NVL: variants seen among roughly 807,000 people sequenced by gnomAD.
The protein encoded by NVL is nuclear VCP like.
Under a neutral mutation model 110.2 loss-of-function variants are expected in NVL, and 84 were observed. That is an observed-to-expected ratio of 0.76 (90% CI 0.64 to 0.91). The LOEUF (loss-of-function observed/expected upper bound fraction) is 0.91, where lower values mean the gene tolerates loss of function less well. NVL is among the 40% of genes least tolerant of loss of function. The probability of loss-of-function intolerance (pLI) is 0.00; values close to 1 mark genes in which losing one functional copy is unlikely to be tolerated. For missense variants in NVL, 882 were observed against 1,035.9 expected, an observed-to-expected ratio of 0.85 and a Z score of 2.04; for synonymous variants, 354 against 361.1, an observed-to-expected ratio of 0.98 and a Z score of 0.22.
intron 11 of NVL, among the ~76,000 whole-genome samples, chr1:224,296,087 T>C (rs373870769): frequency 2.0e-5 from 3 of 151,750 alleles, no homozygotes; most frequent in African/African-American, 7.3e-5. Flanking sequence ...GCTGTGATTG[T>C]GCCACTGCAT....
At chr1:224,293,748 A>G (rs1000227631) in intron 12 of NVL, among the ~76,000 whole-genome samples, 5 of 152,244 alleles carry the variant, frequency 3.3e-5, no homozygotes, top group Non-Finnish European at 2.9e-5. Context: ...GTATGGATAC[A>G]TAAGTCCATT....
chr1:224,270,665 G>A (rs1571898657), intron 17 of NVL, among the ~76,000 whole-genome samples: 1 of 151,990 alleles, frequency 6.6e-6, no homozygotes, highest in South Asian at 2.1e-4. Context: ...TTAAATAAAA[G>A]ACTACTTTCC....
At chr1:224,292,250 A>G (rs1040630534) in intron 12 of NVL, among the ~76,000 whole-genome samples, 1 of 152,232 alleles carries the variant, frequency 6.6e-6, no homozygotes, top group Non-Finnish European at 1.5e-5. Flanking sequence ...TATAAAAAAT[A>G]GTAATAATAA....
intron 18 of NVL, among the ~76,000 whole-genome samples, chr1:224,252,895 G>A (rs1268337834): frequency 2.0e-5 from 3 of 152,140 alleles, no homozygotes; most frequent in African/African-American, 7.2e-5. Flanking sequence ...CCACCTATCT[G>A]TTTTGGCACT....
At chr1:224,229,974 G>T (rs1346100443) in intron 22 of NVL, among the ~76,000 whole-genome samples, 1 of 152,150 alleles carries the variant, frequency 6.6e-6, no homozygotes, top group Non-Finnish European at 1.5e-5. Flanking sequence ...TGGGACTACA[G>T]GTGCATGACA....
intron 2 of NVL, among the ~76,000 whole-genome samples, chr1:224,321,752 C>T (rs4653577): frequency 0.99 from 141,448 of 143,008 alleles, 69,973 homozygotes; most frequent in South Asian, 1. Flanking sequence ...TAAGATTCCA[C>T]CTCAAAAAAA....
chr1:224,259,999 A>G (rs912876883), intron 18 of NVL, among the ~76,000 whole-genome samples: 20 of 152,096 alleles, frequency 1.3e-4, no homozygotes, highest in Admixed American at 2.6e-4. Context: ...GCTCTACTAC[A>G]TATCATAGCA....
At chr1:224,265,942 T>C (rs1273513680) in intron 18 of NVL, among the ~76,000 whole-genome samples, 3 of 152,198 alleles carry the variant, frequency 2.0e-5, no homozygotes, top group African/African-American at 7.2e-5. Context: ...TTGGCCACTT[T>C]CTTTCTTTTT....
intron 18 of NVL, among the ~76,000 whole-genome samples, chr1:224,259,935 G>A (rs754517438): frequency 3.3e-5 from 5 of 151,472 alleles, no homozygotes; most frequent in African/African-American, 4.9e-5. Context: ...CTCCCAAAGC[G>A]CTGGGATTAC....
At chr1:224,255,159 G>A (rs1663044974) in intron 18 of NVL, among the ~76,000 whole-genome samples, 1 of 144,380 alleles carries the variant, frequency 6.9e-6, no homozygotes, top group Non-Finnish European at 1.5e-5. Flanking sequence ...ATGAGCCAAT[G>A]TGCCTGGCCC....
intron 1 of NVL, among the ~76,000 whole-genome samples, chr1:224,327,343 T>C (rs967238056): frequency 2.0e-5 from 3 of 151,092 alleles, no homozygotes; most frequent in African/African-American, 4.9e-5. Context: ...CATGGGAGGC[T>C]GAGGTGGGAG....
chr1:224,291,283 G>A lies in NVL; in HGVS notation c.1326-1550C>T, dbSNP rs564483190. ...TGCAATGGCACGATCTCGGCTCACC[G>A]CAACCTCCGCCTCCCAGGTTCAAGC... On this transcript the variant is annotated intron_variant, in intron 12 of 22. Transcript: ENST00000281701. 1.3e-3 allele frequency among the ~76,000 whole-genome samples: 197 copies of A among 152,148 alleles called. 1 individual carries two copies. The highest frequency in any genetic ancestry group is 4.5e-3 in the East Asian group (23 of 5,166).
intron 20 of NVL, among the ~76,000 whole-genome samples, chr1:224,234,975 A>AT (rs921394091): frequency 9.0e-4 from 136 of 151,690 alleles, no homozygotes; most frequent in African/African-American, 3.2e-3. Flanking sequence ...TATTATTATT[A>AT]TTTTTTTTGT....
intron 18 of NVL, among the ~76,000 whole-genome samples, chr1:224,264,016 AAAACAAAC>A (rs765980682): frequency 6.6e-6 from 1 of 152,196 alleles, no homozygotes; most frequent in Middle Eastern, 3.4e-3. Context: ...TTCCGTCTCA[AAAACAAAC>A]AAACAAACAA....
chr1:224,264,642 G>A (rs1314204988), intron 18 of NVL, among the ~76,000 whole-genome samples: 1 of 152,196 alleles, frequency 6.6e-6, no homozygotes, highest in Non-Finnish European at 1.5e-5. Flanking sequence ...GCTAAGCAGA[G>A]AAGTTATAAG....
intron 19 of NVL, among the ~76,000 whole-genome samples, chr1:224,239,653 T>C (rs545130301): frequency 9.8e-5 from 15 of 152,318 alleles, no homozygotes; most frequent in African/African-American, 3.6e-4. Flanking sequence ...AAGACAATTC[T>C]TTTATACTTC....
intron 4 of NVL, among the ~76,000 whole-genome samples, chr1:224,317,275 A>G (rs1558356633): frequency 6.6e-6 from 1 of 152,210 alleles, no homozygotes; most frequent in Non-Finnish European, 1.5e-5. Flanking sequence ...GTATTAGGGC[A>G]GAAAAAGAAG....
At chr1:224,319,704 A>T (rs1670460616) in intron 2 of NVL, among the ~76,000 whole-genome samples, 1 of 152,234 alleles carries the variant, frequency 6.6e-6, no homozygotes, top group Non-Finnish European at 1.5e-5. Flanking sequence ...AATTCAAGTT[A>T]AACATTTTTA....
At chr1:224,241,139 CAA>C (rs1449397619) in intron 19 of NVL, among the ~76,000 whole-genome samples, 2 of 152,080 alleles carry the variant, frequency 1.3e-5, no homozygotes, top group African/African-American at 4.8e-5. Context: ...AGGATACCTC[CAA>C]AAGTTTCATT....
Sources: gnomAD v4.1 joint callset for allele counts (sites outside exome capture counted in the v4.1 genomes callset) on GRCh38, gnomAD v4.1.1 for gene constraint, MANE v1.5 for transcripts, NCBI Gene and HGNC (gene_info 2026-07-23, HGNC 2026-07-21) for gene names.